Variants in BLNK observed in about 807,000 individuals in gnomAD.
BLNK encodes B cell linker.
In BLNK, 29 loss-of-function variants were observed where a neutral mutation model predicts 73.5. The ratio of observed to expected loss-of-function variants is 0.39; its 90% CI spans 0.29 to 0.54. The LOEUF (loss-of-function observed/expected upper bound fraction) is 0.54. BLNK is among the 20% of genes least tolerant of loss of function. BLNK has a pLI of 0.61. For missense variants in BLNK, 460 were observed against 562.8 expected, an observed-to-expected ratio of 0.82 and a Z score of 1.85; for synonymous variants, 176 against 200.8, an observed-to-expected ratio of 0.88 and a Z score of 1.04.
At chr10:96,214,928 C>T (rs2084029566) in intron 8 of BLNK, among the ~76,000 whole-genome samples, 1 of 152,114 alleles carries the variant, frequency 6.6e-6, no homozygotes, top group African/African-American at 2.4e-5. Context: ...CCCAAGGTGG[C>T]ATAGCTGGTA....
chr10:96,240,740 G>T (rs376630641), intron 3 of BLNK, among the ~76,000 whole-genome samples: 8 of 152,194 alleles, frequency 5.3e-5, no homozygotes, highest in African/African-American at 1.9e-4. Context: ...GGTGAATGGT[G>T]GTGGGATAGG....
At chr10:96,225,728 C>T (rs782232240) in intron 5 of BLNK, among the ~76,000 whole-genome samples, 16 of 151,620 alleles carry the variant, frequency 1.1e-4, no homozygotes, top group Non-Finnish European at 1.9e-4. Context: ...CTGCAACCTC[C>T]GCCTCCCGGG....
chr10:96,252,802 G>A (rs545241927), intron 1 of BLNK, among the ~76,000 whole-genome samples: 1 of 152,274 alleles, frequency 6.6e-6, no homozygotes, highest in South Asian at 2.1e-4. Flanking sequence ...GAGTGCCATG[G>A]TCGGGACCAT....
At chr10:96,250,446 AAGAGAGAG>A (rs56871307) in intron 1 of BLNK, among the ~76,000 whole-genome samples, 3 of 136,468 alleles carry the variant, frequency 2.2e-5, no homozygotes, top group Admixed American at 7.2e-5. Context: ...GGAAGAGAGA[AAGAGAGAG>A]AGAGAGAGAG....
chr10:96,214,821 C>T lies in BLNK; in HGVS notation c.676+500G>A, dbSNP rs58809729. Among the ~76,000 whole-genome samples the T allele has an allele frequency of 3.9e-5, 6 of 152,290 alleles. No homozygotes were observed. In the East Asian group the frequency reaches 7.7e-4, roughly 20 times the overall value. On this transcript the variant is annotated intron_variant, in intron 8 of 16. Coordinates refer to ENST00000224337, the MANE Select transcript of BLNK (RefSeq NM_013314.4). ...TGTACCAGGCACTCATTAAGAGTTT[C>T]GCATTCACATTTGCAGAATTCTCCT...
intron 13 of BLNK, among the ~76,000 whole-genome samples, chr10:96,202,695 C>T (rs1003804521): frequency 2.6e-5 from 4 of 152,100 alleles, no homozygotes; most frequent in Admixed American, 1.3e-4. Context: ...AACAGCACTC[C>T]CAGGTGAGAG....
intron 8 of BLNK, 146 bp from the exon 9 acceptor site, chr10:96,210,053 G>A (rs1193226917): frequency 8.3e-6 from 7 of 843,960 alleles, no homozygotes; most frequent in South Asian, 7.0e-5. Context: ...TTATATTGAA[G>A]CTATTAAGGA....
intron 1 of BLNK, among the ~76,000 whole-genome samples, chr10:96,261,874 T>G (rs1353468222): frequency 1.3e-5 from 2 of 152,208 alleles, no homozygotes; most frequent in African/African-American, 2.4e-5. Flanking sequence ...TTTTTCATAA[T>G]GAAGTTTTTA....
At chr10:96,264,520 A>G (rs1554913761) in intron 1 of BLNK, among the ~76,000 whole-genome samples, 5 of 152,204 alleles carry the variant, frequency 3.3e-5, no homozygotes, top group African/African-American at 9.7e-5. Context: ...CATTCCTAAT[A>G]TGCAGAACAA....
At chr10:96,204,678 C>A in intron 11 of BLNK, 62 bp from the exon 12 acceptor site, 1 of 1,528,230 alleles carries the variant, frequency 6.5e-7, no homozygotes, top group Non-Finnish European at 9.0e-7. Context: ...TCCCAAAACC[C>A]AGCAACATCA....
At chr10:96,198,235 A>G (rs1312313013) in intron 15 of BLNK, among the ~76,000 whole-genome samples, 4 of 152,180 alleles carry the variant, frequency 2.6e-5, no homozygotes, top group Non-Finnish European at 4.4e-5. Flanking sequence ...ATTTAATAAA[A>G]TAAGTACCAT....
chr10:96,196,581 C>T (rs2083471759), intron 16 of BLNK, among the ~76,000 whole-genome samples: 1 of 152,144 alleles, frequency 6.6e-6, no homozygotes, highest in South Asian at 2.1e-4. Flanking sequence ...TGGAACTTGA[C>T]CCTAATTCTT....
intron 1 of BLNK, among the ~76,000 whole-genome samples, chr10:96,250,014 G>A (rs1365662642): frequency 1.3e-5 from 2 of 152,156 alleles, no homozygotes; most frequent in Non-Finnish European, 2.9e-5. Flanking sequence ...ACCCACTGAG[G>A]GACCCACGTT....
In BLNK at chr10:96,230,830, G is replaced by T; in HGVS notation, c.168C>A (p.Ser56Arg). 1.2e-6 allele frequency: 2 copies of T among 1,610,674 alleles called. No individual in the cohort carries two copies. Among genetic ancestry groups the T allele is most frequent in the Non-Finnish European group, 8.5e-7 (1 of 1,178,644 alleles). Residue 56 changes from serine to arginine, a missense_variant, in exon 4 of 17, where the codon AGC becomes AGA. Transcript: ENST00000224337. The stretch of plus-strand genomic sequence containing the variant: ...ACCACTGCTCCTCTTCGTCAGCAGG[G>T]CTCTCTGCAACAGCAGGGGAGAAGC... ...SVPRRDYASE[S>R]PADEEEQWSD... is the part of the protein sequence containing the mutation.
intron 4 of BLNK, 75 bp downstream of exon 4, chr10:96,230,719 A>C: frequency 6.6e-7 from 1 of 1,504,294 alleles, no homozygotes; most frequent in Non-Finnish European, 9.1e-7. Context: ...ACCAGCATGT[A>C]ATTCAGAAAT....
intron 3 of BLNK, among the ~76,000 whole-genome samples, chr10:96,241,154 C>T (rs1186716497): frequency 6.6e-6 from 1 of 152,166 alleles, no homozygotes; most frequent in African/African-American, 2.4e-5. Context: ...ATAAGATTCC[C>T]TTAGGAGGAA....
chr10:96,241,203 G>A (rs889155035), intron 3 of BLNK, among the ~76,000 whole-genome samples: 42 of 152,218 alleles, frequency 2.8e-4, no homozygotes, highest in African/African-American at 9.1e-4. Context: ...ATCAGTGGCC[G>A]AAAAAATAAA....
At chr10:96,208,326 G>A (rs587727511) in intron 9 of BLNK, among the ~76,000 whole-genome samples, 19 of 152,270 alleles carry the variant, frequency 1.2e-4, no homozygotes, top group African/African-American at 4.6e-4. Context: ...CAGGACAGAG[G>A]GTAGAGGTAA....
chr10:96,243,458 G>A (rs1209234164), intron 2 of BLNK, among the ~76,000 whole-genome samples: 1 of 152,084 alleles, frequency 6.6e-6, no homozygotes, highest in Non-Finnish European at 1.5e-5. Context: ...AAGGTGGGAG[G>A]ATCACTTGGG....
Sources: allele counts gnomAD v4.1 joint callset (sites outside exome capture counted in the v4.1 genomes callset), GRCh38; gene constraint gnomAD v4.1.1; transcripts MANE v1.5; gene names NCBI Gene and HGNC (gene_info 2026-07-23, HGNC 2026-07-21).